AKAP13: variants seen among roughly 807,000 people sequenced by gnomAD.
The protein encoded by AKAP13 is A-kinase anchoring protein 13, also known as A-kinase anchor protein 13.
Under a neutral mutation model 264.5 loss-of-function variants are expected in AKAP13, and 80 were observed. The observed-to-expected ratio is 0.30, with a 90% CI of 0.25 to 0.36. The LOEUF is 0.36. Among genes scored for constraint, AKAP13 ranks in the 10% least tolerant of loss-of-function variants. The pLI, the probability that AKAP13 is intolerant of heterozygous loss-of-function variation, is 1.00. For synonymous variants in AKAP13, 1,380 were observed against 1,250.2 expected, an observed-to-expected ratio of 1.10 and a Z score of -2.19; for missense variants, 3,712 against 3,435.2, an observed-to-expected ratio of 1.08 and a Z score of -2.01.
chr15:85,486,739 C>CT (rs562767898), intron 2 of AKAP13, among the ~76,000 whole-genome samples: 12,513 of 115,284 alleles, frequency 0.11, 1,261 homozygotes, highest in South Asian at 0.34. Flanking sequence ...TTGTTCAGTT[C>CT]TTTTTTTTTT....
chr15:85,611,518 T>C (rs2151391191), intron 8 of AKAP13, among the ~76,000 whole-genome samples: 1 of 151,222 alleles, frequency 6.6e-6, no homozygotes, highest in Middle Eastern at 3.4e-3. Context: ...CTCGGTTTCT[T>C]TTCTTGAGCT....
intron 1 of AKAP13, among the ~76,000 whole-genome samples, chr15:85,456,726 A>T (rs1010481028): frequency 2.0e-5 from 3 of 151,962 alleles, no homozygotes; most frequent in Non-Finnish European, 2.9e-5. Flanking sequence ...AATTTTTTAT[A>T]TTTTTAGTAG....
Position 85,688,899 on chromosome 15 carries a change from T to G in AKAP13, c.5289+4026T>G, listed in dbSNP as rs145843257. On this transcript the variant is annotated intron_variant, in intron 16 of 36. Coordinates refer to ENST00000394518, the MANE Select transcript of AKAP13 (RefSeq NM_007200.5). Reference sequence around the variant, plus strand: ...CTTTTGTCTTAGTATCTTTGAGAGATAGTGCTGTTTCCTGCTAAGTAATTT... The same window carrying G: ...CTTTTGTCTTAGTATCTTTGAGAGAGAGTGCTGTTTCCTGCTAAGTAATTT... Among the ~76,000 whole-genome samples, 36 of 152,318 alleles carry G rather than the reference T, an allele frequency of 2.4e-4. 1 individual carries two copies. The East Asian group carries it at 2.7e-3, about 11-fold the overall frequency.
rs747808454 is a variant in AKAP13 at position 85,579,148 on chromosome 15, TGAG to T, written c.1087_1089del (p.Glu363del). The T allele has an allele frequency of 2.5e-6, 4 of 1,613,918 alleles. No homozygotes were observed. Among genetic ancestry groups the T allele is most frequent in the South Asian group, 2.2e-5 (2 of 91,070 alleles). On this transcript the variant is annotated inframe_deletion, in exon 7 of 37. Transcript: ENST00000394518. ...GTCCCTGTGATTTGTCAAGCATAGTTGAGGAGGAGAATACAGACCGTTCCTGTA... is the reference window on the plus strand; with the variant it reads ...GTCCCTGTGATTTGTCAAGCATAGTTGAGGAGAATACAGACCGTTCCTGTA...
chr15:85,675,364 A>T (rs1001151739), intron 14 of AKAP13, among the ~76,000 whole-genome samples: 2 of 152,248 alleles, frequency 1.3e-5, no homozygotes, highest in Non-Finnish European at 2.9e-5. Context: ...TGCAACAGCA[A>T]ATAGTGATGT....
intron 30 of AKAP13, among the ~76,000 whole-genome samples, chr15:85,733,476 T>C (rs1383648593): frequency 6.6e-6 from 1 of 152,218 alleles, no homozygotes; most frequent in African/African-American, 2.4e-5. Context: ...TTCACAGTGT[T>C]CTGTTTTCAT....
intron 5 of AKAP13, among the ~76,000 whole-genome samples, chr15:85,552,791 C>G (rs913351308): frequency 5.9e-5 from 9 of 151,950 alleles, no homozygotes; most frequent in Non-Finnish European, 1.2e-4. Flanking sequence ...CCATGCCCGG[C>G]TAATTTTTTT....
intron 14 of AKAP13, among the ~76,000 whole-genome samples, chr15:85,680,699 TA>T (rs554142850): frequency 5.4e-4 from 82 of 152,178 alleles, no homozygotes; most frequent in African/African-American, 1.7e-3. Flanking sequence ...TCCCTGTTTC[TA>T]AAAAAAATTT....
chr15:85,448,387 T>G (rs1197036711), intron 1 of AKAP13, among the ~76,000 whole-genome samples: 1 of 152,182 alleles, frequency 6.6e-6, no homozygotes, highest in East Asian at 1.9e-4. Context: ...CATTTATCAA[T>G]TTTTCCTTTT....
chr15:85,727,121 A>G lies in AKAP13; in HGVS notation c.6878A>G (p.His2293Arg), dbSNP rs375901819. ...LKKLIVREVAHEEKGLFLISM... is the reference protein window; with the variant it reads ...LKKLIVREVAREEKGLFLISM... The stretch of plus-strand genomic sequence containing the variant: ...AAGCTGATTGTGAGAGAAGTGGCAC[A>G]TGAGGAGAAAGGTTTATTCCTGATC... Residue 2293 changes from histidine to arginine, a missense_variant, in exon 28 of 37, where the codon CAT (histidine) becomes CGT (arginine). Physicochemically the swap from His to Arg is conservative, Grantham distance 29. Coordinates refer to ENST00000394518, the MANE Select transcript of AKAP13 (RefSeq NM_007200.5). The surrounding 1 kb of genome is among the most constrained non-coding windows in gnomAD (Gnocchi z 5.3). 14 of 1,614,106 alleles carry G rather than the reference A, an allele frequency of 8.7e-6. No homozygotes were observed. The Admixed American group carries it at 1.3e-4, about 15-fold the overall frequency.
chr15:85,662,656 C>T (rs1313134758), intron 12 of AKAP13, among the ~76,000 whole-genome samples: 3 of 152,204 alleles, frequency 2.0e-5, no homozygotes, highest in Non-Finnish European at 4.4e-5. Flanking sequence ...GTGATGCATC[C>T]TGTATGTCTC....
chr15:85,446,715 T>C (rs1338605992), intron 1 of AKAP13, among the ~76,000 whole-genome samples: 1 of 149,580 alleles, frequency 6.7e-6, no homozygotes, highest in African/African-American at 2.4e-5. Context: ...TTTTTCTTTT[T>C]TTTTTTTTTT....
intron 17 of AKAP13, among the ~76,000 whole-genome samples, chr15:85,699,266 A>G (rs1053489495): frequency 6.6e-6 from 1 of 152,078 alleles, no homozygotes; most frequent in Non-Finnish European, 1.5e-5. Context: ...CAACATGGTG[A>G]AACCCCATCT....
intron 8 of AKAP13, among the ~76,000 whole-genome samples, chr15:85,605,077 A>G (rs563008540): frequency 6.6e-6 from 1 of 150,932 alleles, no homozygotes; most frequent in Non-Finnish European, 1.5e-5. Context: ...ATCCCCATGG[A>G]TTACCTAATT....
chr15:85,442,472 ATATT>A (rs1567059485), intron 1 of AKAP13, among the ~76,000 whole-genome samples: 12 of 124,450 alleles, frequency 9.6e-5, no homozygotes, highest in Non-Finnish European at 1.6e-4. Context: ...TACATAATAT[ATATT>A]ATATAATATA....
In AKAP13 at chr15:85,580,923, G is replaced by A. The variant is rs1412088506; in HGVS notation, c.2855G>A (p.Arg952Lys). Residue 952 changes from arginine (R) to lysine (K), a missense_variant, in exon 7 of 37, where the codon AGA (arginine) becomes AAA (lysine). Physicochemically the swap from Arg to Lys is conservative, Grantham distance 26. Coordinates refer to ENST00000394518, the MANE Select transcript of AKAP13 (RefSeq NM_007200.5). The part of the protein sequence containing the change: ...LSSGTLQEEQ[R>K]TPPPGQDTQQ... ...TCAGGAACTTTGCAGGAAGAGCAGA[G>A]AACACCACCTCCTGGACAAGATACT... The A allele has an allele frequency of 5.0e-6, 8 of 1,614,052 alleles. No homozygotes were observed. The highest frequency in any genetic ancestry group is 1.3e-5 in the African/African-American group (1 of 74,934).
At chr15:85,418,279 C>T (rs2072340732) in intron 1 of AKAP13, among the ~76,000 whole-genome samples, 1 of 152,052 alleles carries the variant, frequency 6.6e-6, no homozygotes, top group Non-Finnish European at 1.5e-5. Context: ...CAGGGTCTCA[C>T]TTTGTTGCCC....
chr15:85,677,245 C>T (rs1160299501), intron 14 of AKAP13: 1 of 729,684 alleles, frequency 1.4e-6, no homozygotes, highest in Non-Finnish European at 1.7e-6. Flanking sequence ...TTATGCTTGC[C>T]TTTGAGAATT....
In AKAP13 at chr15:85,746,448, A is replaced by AGG. The variant is rs2089371688; in HGVS notation, c.*1775_*1776dup. 6.6e-6 allele frequency: 1 copy of AGG among 152,012 alleles called. No individual in the cohort carries two copies. Among genetic ancestry groups the AGG allele is most frequent in the South Asian group, 2.1e-4 (1 of 4,818 alleles). The allele number at this position is 152,012 out of a possible 1,614,324, so 9.4% of individuals were successfully genotyped here. On this transcript the variant is annotated 3_prime_UTR_variant, in exon 37 of 37. Transcript: ENST00000394518. Reference sequence around the variant, plus strand: ...AAGGCCCAGATGAAATTTTAAAGGGAGGGGGTCCATGTCCTTCCCTCCCCC... The same window carrying AGG: ...AAGGCCCAGATGAAATTTTAAAGGGAGGGGGGGTCCATGTCCTTCCCTCCCCC...
Sources: gnomAD v4.1 joint callset for allele counts (sites outside exome capture counted in the v4.1 genomes callset) on GRCh38, gnomAD v4.1.1 for gene constraint, Gnocchi (gnomAD v3.1) non-coding constraint, MANE v1.5 for transcripts, NCBI Gene and HGNC (gene_info 2026-07-23, HGNC 2026-07-21) for gene names.